The following SYNJ1 variants were observed in gnomAD, a reference collection of about 807,000 sequenced individuals.
The protein encoded by SYNJ1 is polyphosphatidylinositol phosphatase SYNJ1.
In SYNJ1, 78 loss-of-function variants were observed where a neutral mutation model predicts 168.2. The observed-to-expected ratio is 0.46, with a 90% confidence interval of 0.39 to 0.56. The LOEUF (loss-of-function observed/expected upper bound fraction) is 0.56, where lower values mean the gene tolerates loss of function less well. Among genes scored for constraint, SYNJ1 ranks in the 20% least tolerant of loss-of-function variants. SYNJ1 has a pLI of 0.00. For missense variants in SYNJ1, 1,303 were observed against 1,597.6 expected (o/e 0.82, Z 3.14); for synonymous variants, 539 against 548.6 (o/e 0.98, Z 0.24).
intron 15 of SYNJ1, among the ~76,000 whole-genome samples, chr21:32,668,930 C>A (rs1459789130): frequency 6.6e-6 from 1 of 151,960 alleles, no homozygotes; most frequent in Non-Finnish European, 1.5e-5. Flanking sequence ...TGCTTTCACT[C>A]GAATTTAGGC....
At chr21:32,633,412 A>G (rs2039428716) in intron 32 of SYNJ1, among the ~76,000 whole-genome samples, 1 of 152,234 alleles carries the variant, frequency 6.6e-6, no homozygotes, top group African/African-American at 2.4e-5. Flanking sequence ...CCTCATAAGC[A>G]AATTAGCTTA....
chr21:32,701,891 C>T, intron 3 of SYNJ1, 70 bp downstream of exon 3: 3 of 1,130,266 alleles, frequency 2.7e-6, no homozygotes, highest in South Asian at 1.8e-5. Context: ...ATAGCTAGTC[C>T]CTCTCAAATC....
intron 32 of SYNJ1, among the ~76,000 whole-genome samples, chr21:32,633,591 G>C (rs2039437465): frequency 6.6e-6 from 1 of 152,060 alleles, no homozygotes; most frequent in Non-Finnish European, 1.5e-5. Flanking sequence ...TGCCCAAAAG[G>C]AATTTGGATA....
intron 4 of SYNJ1, among the ~76,000 whole-genome samples, chr21:32,698,334 TG>T (rs967744795): frequency 3.9e-5 from 6 of 152,214 alleles, no homozygotes; most frequent in African/African-American, 1.4e-4. Context: ...ATCCTAAGTT[TG>T]TTGTTGACTT....
At chr21:32,724,919 T>C (rs1161255643) in intron 2 of SYNJ1, among the ~76,000 whole-genome samples, 2 of 152,216 alleles carry the variant, frequency 1.3e-5, no homozygotes, top group Non-Finnish European at 2.9e-5. Context: ...AGTCTAAATC[T>C]AATGAAAATA....
chr21:32,727,154 C>T (rs2043494491), intron 1 of SYNJ1, among the ~76,000 whole-genome samples: 1 of 152,198 alleles, frequency 6.6e-6, no homozygotes, highest in African/African-American at 2.4e-5. Context: ...GGTTTTAGCA[C>T]TGTAAGTCAA....
chr21:32,636,460 A>G (rs1383726054), intron 31 of SYNJ1, among the ~76,000 whole-genome samples: 5 of 152,130 alleles, frequency 3.3e-5, no homozygotes, highest in African/African-American at 1.2e-4. Flanking sequence ...TTGGAATAGG[A>G]TAAGTAAAGA....
rs763870801 is a variant in SYNJ1 at position 32,681,543 on chromosome 21, T to C, written c.1306A>G (p.Ile436Val). Reference protein sequence around the residue: ...RSMWSVNGDSISKIYAGTGAL... With the variant: ...RSMWSVNGDSVSKIYAGTGAL... ...CCAGTTCCTGCATATATCTTACTGA[T>C]TGAATCACCATTCACGGACCACATT... Residue 436 changes from isoleucine (I) to valine (V), a missense_variant, in exon 11 of 33, where the codon ATC becomes GTC. Ile to Val is a conservative substitution (Grantham distance 29, BLOSUM62 3). Around this residue, in one of 2 missense-constraint regions of SYNJ1, gnomAD observed 920 missense variants for 1,208.8 expected, o/e 0.76. Coordinates refer to ENST00000674351, the MANE Select transcript of SYNJ1 (RefSeq NM_203446.3). 1.7e-5 allele frequency: 27 copies of C among 1,613,734 alleles called. No individual in the cohort carries two copies. The highest frequency in any genetic ancestry group is 1.5e-5 in the Non-Finnish European group (18 of 1,179,834).
chr21:32,727,983 C>A lies in SYNJ1; in HGVS notation c.-60G>T, dbSNP rs535611172. 6 of 1,535,466 alleles carry A rather than the reference C, an allele frequency of 3.9e-6. No individual in the cohort carries two copies. In the South Asian group the frequency reaches 4.8e-5, roughly 12 times the overall value. ...CTCCTCCTCCTCCTTCTCCCGCAGC[C>A]GCCGCCACAGCCGCCGGGAGCGTCA... is the stretch of plus-strand genomic sequence containing the variant. On this transcript the variant is annotated 5_prime_UTR_variant, in exon 1 of 33. Coordinates refer to ENST00000674351, the MANE Select transcript of SYNJ1 (RefSeq NM_203446.3).
At chr21:32,644,540 A>T (rs2039982782) in intron 26 of SYNJ1, among the ~76,000 whole-genome samples, 1 of 152,252 alleles carries the variant, frequency 6.6e-6, no homozygotes, top group Admixed American at 6.5e-5. Context: ...TGTAAACCAA[A>T]TAAACTATAC....
At chr21:32,646,265 T>C in intron 24 of SYNJ1, 128 bp downstream of exon 24, 1 of 894,310 alleles carries the variant, frequency 1.1e-6, no homozygotes, top group East Asian at 2.4e-5. Flanking sequence ...TCTACAAGTT[T>C]TCCTATTCTG....
intron 26 of SYNJ1, among the ~76,000 whole-genome samples, chr21:32,644,462 T>TTTTCTTGA (rs2039979753): frequency 2.0e-5 from 3 of 152,354 alleles, no homozygotes; most frequent in African/African-American, 7.2e-5. Context: ...TCATCTCATC[T>TTTTCTTGA]TTTCTTGAGA....
chr21:32,672,792 A>G (rs1348023720), intron 14 of SYNJ1, among the ~76,000 whole-genome samples: 1 of 152,234 alleles, frequency 6.6e-6, no homozygotes, highest in African/African-American at 2.4e-5. Flanking sequence ...AAATATCACA[A>G]GTTTTATAAG....
In SYNJ1 at chr21:32,664,968, T is replaced by A. The variant is rs1328584456; in HGVS notation, c.2249A>T (p.Asn750Ile). The A allele has an allele frequency of 6.2e-7, 1 of 1,613,628 alleles. No homozygotes were observed. The highest frequency in any genetic ancestry group is 1.1e-5 in the South Asian group (1 of 91,046). ...EEVKELIRQQ[N>I]WDSLIAGDQL... ...ATCTCCTGCTATAAGAGAATCCCAA[T>A]TTTGCTGTCTTATGAGCTCTTTAAC... The change falls in exon 18 of 33, where the codon AAT (asparagine) becomes ATT (isoleucine). Residue 750 changes from asparagine (N) to isoleucine (I), a missense_variant. By Grantham distance (149) the Asn-to-Ile change is moderately radical. Coordinates refer to ENST00000674351, the MANE Select transcript of SYNJ1 (RefSeq NM_203446.3).
chr21:32,710,993 T>C (rs1273640087), intron 2 of SYNJ1, among the ~76,000 whole-genome samples: 2 of 152,216 alleles, frequency 1.3e-5, no homozygotes, highest in South Asian at 4.1e-4. Flanking sequence ...TCACAGAAGT[T>C]AGGAAATATT....
intron 11 of SYNJ1, 21 bp downstream of exon 11, chr21:32,681,475 T>G (rs112206750): frequency 6.3e-7 from 1 of 1,591,734 alleles, no homozygotes. Flanking sequence ...TTCTGTAATG[T>G]TATGATAGAT....
chr21:32,727,556 G>A, intron 1 of SYNJ1, among the ~76,000 whole-genome samples: 1 of 152,256 alleles, frequency 6.6e-6, no homozygotes, highest in Middle Eastern at 3.4e-3. Flanking sequence ...CACGACTCGG[G>A]GCACCGACCC....
chr21:32,684,766 G>A (rs1013282706), intron 9 of SYNJ1, among the ~76,000 whole-genome samples: 2 of 152,326 alleles, frequency 1.3e-5, no homozygotes, highest in South Asian at 4.1e-4. Flanking sequence ...ATATATAACA[G>A]CATGAAGTAT....
At chr21:32,709,674 C>T (rs1040748880) in intron 2 of SYNJ1, among the ~76,000 whole-genome samples, 3 of 151,526 alleles carry the variant, frequency 2.0e-5, no homozygotes, top group Admixed American at 6.6e-5. Context: ...CCCACCAACA[C>T]GCCCAGCTAA....
Sources: allele counts gnomAD v4.1 joint callset (sites outside exome capture counted in the v4.1 genomes callset), GRCh38; gene constraint gnomAD v4.1.1; regional missense constraint gnomAD v4.1.1; transcripts MANE v1.5; gene names NCBI Gene and HGNC (gene_info 2026-07-23, HGNC 2026-07-21).